The following CFAP70 variants were observed in gnomAD, a reference collection of about 807,000 sequenced individuals.
CFAP70 encodes the protein cilia and flagella associated protein 70.
Under a neutral mutation model 137.6 loss-of-function variants are expected in CFAP70, and 81 were observed. The ratio of observed to expected loss-of-function variants is 0.59; its 90% CI spans 0.49 to 0.71. CFAP70 has a LOEUF of 0.71. Among genes scored for constraint, CFAP70 ranks in the 30% least tolerant of loss-of-function variants. The probability of loss-of-function intolerance (pLI) is 0.00; values close to 1 mark genes in which losing one functional copy is unlikely to be tolerated. For missense variants in CFAP70, 976 were observed against 1,226.7 expected (o/e 0.80, Z 3.05); for synonymous variants, 382 against 423.6 (o/e 0.90, Z 1.20).
At chr10:73,296,082 T>A (rs544268144) in intron 15 of CFAP70, 1 of 152,240 alleles carries the variant, frequency 6.6e-6, no homozygotes, top group African/African-American at 2.4e-5. Context: ...TTCCTCCTTA[T>A]TATGCAATAA....
intron 25 of CFAP70, among the ~76,000 whole-genome samples, chr10:73,260,320 C>A (rs1372150252): frequency 6.6e-6 from 1 of 152,138 alleles, no homozygotes; most frequent in Non-Finnish European, 1.5e-5. Flanking sequence ...AGCAACAGAG[C>A]AAGACCCTGT....
chr10:73,348,981 G>C (rs1446258542), intron 3 of CFAP70, among the ~76,000 whole-genome samples: 1 of 151,364 alleles, frequency 6.6e-6, no homozygotes, highest in Non-Finnish European at 1.5e-5. Flanking sequence ...AGAATCGCTT[G>C]AACCTGGGAG....
At chr10:73,270,285 G>A (rs1366191492) in intron 24 of CFAP70, among the ~76,000 whole-genome samples, 10 of 152,066 alleles carry the variant, frequency 6.6e-5, no homozygotes, top group African/African-American at 1.9e-4. Flanking sequence ...CTCTGGGCAC[G>A]TGGAAATTGT....
At chr10:73,270,555 C>T (rs1480502633) in intron 24 of CFAP70, among the ~76,000 whole-genome samples, 3 of 105,918 alleles carry the variant, frequency 2.8e-5, no homozygotes, top group Non-Finnish European at 5.7e-5. Context: ...CCCTTCTCTT[C>T]GACAGAGTCT....
chr10:73,285,563 T>TA (rs1375922158), intron 19 of CFAP70, among the ~76,000 whole-genome samples: 1 of 151,724 alleles, frequency 6.6e-6, no homozygotes, highest in Non-Finnish European at 1.5e-5. Context: ...GCTAACCAGA[T>TA]AGACTCTCTA....
At chr10:73,354,050 C>T (rs576646669) in intron 2 of CFAP70, among the ~76,000 whole-genome samples, 18 of 152,260 alleles carry the variant, frequency 1.2e-4, no homozygotes, top group Non-Finnish European at 1.6e-4. Flanking sequence ...GACGGAGTCT[C>T]GCTCTGTCAC....
At chr10:73,292,265 G>A (rs2048232662) in intron 16 of CFAP70, among the ~76,000 whole-genome samples, 2 of 152,120 alleles carry the variant, frequency 1.3e-5, no homozygotes, top group Admixed American at 6.5e-5. Flanking sequence ...CAGTATTCTG[G>A]TCACTTTAAA....
At chr10:73,274,791 T>G in intron 22 of CFAP70, 197 bp from the exon 24 acceptor site, 4 of 550,612 alleles carry the variant, frequency 7.3e-6, no homozygotes, top group African/African-American at 1.9e-5. Flanking sequence ...TTTCTAGCTC[T>G]GCCCTCAGAT....
intron 8 of CFAP70, among the ~76,000 whole-genome samples, chr10:73,328,241 G>T (rs1181088446): frequency 6.6e-6 from 1 of 151,980 alleles, no homozygotes; most frequent in Non-Finnish European, 1.5e-5. Context: ...AATGGGGAAA[G>T]GATTCCCTAT....
chr10:73,318,702 G>A (rs2050598528), intron 9 of CFAP70, among the ~76,000 whole-genome samples: 1 of 152,166 alleles, frequency 6.6e-6, no homozygotes, highest in South Asian at 2.1e-4. Context: ...CAAACTCCAG[G>A]CTGCCTGAAT....
chr10:73,280,394 G>C (rs2047173910), intron 19 of CFAP70, among the ~76,000 whole-genome samples: 1 of 152,062 alleles, frequency 6.6e-6, no homozygotes, highest in South Asian at 2.1e-4. Context: ...TTCTTTCTTT[G>C]GGATGGCTTT....
intron 2 of CFAP70, among the ~76,000 whole-genome samples, chr10:73,354,368 T>C (rs2054510473): frequency 6.6e-6 from 1 of 152,226 alleles, no homozygotes; most frequent in Admixed American, 6.5e-5. Context: ...ATATTCCTAA[T>C]TTTTAGTACA....
intron 19 of CFAP70, among the ~76,000 whole-genome samples, chr10:73,284,778 AT>A (rs2047542536): frequency 2.0e-5 from 1 of 50,346 alleles, no homozygotes; most frequent in Non-Finnish European, 3.6e-5. Context: ...ATATATATAT[AT>A]ATATATATAT....
intron 19 of CFAP70, among the ~76,000 whole-genome samples, chr10:73,287,704 G>C (rs1228760702): frequency 1.3e-5 from 2 of 152,086 alleles, no homozygotes; most frequent in Non-Finnish European, 2.9e-5. Flanking sequence ...AGTTAAAGGA[G>C]ATTTTCAGAA....
At chr10:73,284,739 CATATATATATATATATATATAT>C (rs539417737) in intron 19 of CFAP70, among the ~76,000 whole-genome samples, 92 of 27,480 alleles carry the variant, frequency 3.3e-3, no homozygotes, top group Non-Finnish European at 4.9e-3. Flanking sequence ...TGACCTGCCA[CATATATATATATATATATATAT>C]ATATATATAT....
exon 13 of CFAP70, chr10:73,299,639 G>A: frequency 1.2e-6 from 2 of 1,612,930 alleles, no homozygotes; most frequent in African/African-American, 1.3e-5. Context: ...GGTAAGAGGA[G>A]GCCTTGGAGG....
exon 19 of CFAP70, chr10:73,291,299 C>A (rs1263430549): frequency 6.2e-7 from 1 of 1,613,924 alleles, no homozygotes; most frequent in Non-Finnish European, 8.5e-7. Context: ...TAGATTCTCT[C>A]TTCCCTCTTT....
intron 8 of CFAP70, among the ~76,000 whole-genome samples, chr10:73,330,111 C>T (rs978657779): frequency 1.3e-5 from 2 of 152,034 alleles, no homozygotes; most frequent in African/African-American, 2.4e-5. Context: ...TAAAAATAAT[C>T]TCTTTGATTT....
intron 12 of CFAP70, among the ~76,000 whole-genome samples, chr10:73,302,229 G>A (rs1283605021): frequency 6.6e-6 from 1 of 152,170 alleles, no homozygotes; most frequent in African/African-American, 2.4e-5. Context: ...TAGAAAAGGT[G>A]TTCAAGCACT....
Sources: allele counts gnomAD v4.1 joint callset (sites outside exome capture counted in the v4.1 genomes callset), GRCh38; gene constraint gnomAD v4.1.1; transcripts MANE v1.5; gene names NCBI Gene and HGNC (gene_info 2026-07-23, HGNC 2026-07-21).